The following RTN1 variants were observed in gnomAD, a reference collection of about 807,000 sequenced individuals.
RTN1 encodes the protein reticulon 1, also known as reticulon-1.
RTN1 carries 25 observed loss-of-function variants against 65.5 expected under a neutral mutation model. The observed-to-expected ratio is 0.38, with a 90% confidence interval of 0.28 to 0.53. RTN1 has a LOEUF of 0.53. Ranked by LOEUF, RTN1 falls within the 20% of genes least tolerant of loss-of-function variation. RTN1 has a pLI of 0.79. For missense variants in RTN1, 983 were observed against 1,025.4 expected, an observed-to-expected ratio of 0.96 and a Z score of 0.57; for synonymous variants, 471 against 447.6, an observed-to-expected ratio of 1.05 and a Z score of -0.66.
At chr14:59,754,132 A>G (rs538922343) in intron 1 of RTN1, among the ~76,000 whole-genome samples, 1 of 152,198 alleles carries the variant, frequency 6.6e-6, no homozygotes, top group Non-Finnish European at 1.5e-5. Flanking sequence ...ACAGGCCACT[A>G]TTTCTAGTCA....
intron 3 of RTN1, among the ~76,000 whole-genome samples, chr14:59,666,584 T>G (rs1883379577): frequency 6.6e-6 from 1 of 151,630 alleles, no homozygotes; most frequent in African/African-American, 2.4e-5. Context: ...AAAAAATAAC[T>G]AAGATCAGAG....
Position 59,745,778 on chromosome 14 carries a change from G to C in RTN1, c.945C>G (p.Val315=). The part of the protein sequence containing the change: ...DICLKPSPDT[V]PTVTVSEPED... ...CAGGCTCCGAGACAGTGACAGTGGG[G>C]ACTGTGTCAGGACTTGGCTTTAGAC... The change falls in exon 2 of 9, where the codon GTC becomes GTG. Residue 315 remains valine, a synonymous_variant. Coordinates refer to ENST00000267484, the MANE Select transcript of RTN1 (RefSeq NM_021136.3). The C allele has an allele frequency of 3.1e-6, 5 of 1,614,004 alleles. No individual in the cohort carries two copies. The highest frequency in any genetic ancestry group is 4.2e-6 in the Non-Finnish European group (5 of 1,179,956).
chr14:59,773,632 A>T (rs1458282718), intron 1 of RTN1, among the ~76,000 whole-genome samples: 1 of 152,178 alleles, frequency 6.6e-6, no homozygotes, highest in Non-Finnish European at 1.5e-5. Context: ...TCCTAAAGAC[A>T]GTTTCCCCAC....
chr14:59,840,416 C>A (rs1456067179), intron 1 of RTN1, among the ~76,000 whole-genome samples: 2 of 152,194 alleles, frequency 1.3e-5, no homozygotes, highest in Non-Finnish European at 2.9e-5. Context: ...AAGTGACTAG[C>A]TCCTTCTTTT....
At chr14:59,804,656 CG>C (rs1450250784) in intron 1 of RTN1, among the ~76,000 whole-genome samples, 3 of 151,972 alleles carry the variant, frequency 2.0e-5, no homozygotes, top group Non-Finnish European at 4.4e-5. Flanking sequence ...ATGGTTGGTA[CG>C]GGTGACAGTC....
intron 3 of RTN1, among the ~76,000 whole-genome samples, chr14:59,677,151 C>A (rs1355850426): frequency 6.6e-6 from 1 of 152,246 alleles, no homozygotes; most frequent in Non-Finnish European, 1.5e-5. Flanking sequence ...TGACCCTCTT[C>A]TTCCAGGACC....
At chr14:59,791,048 T>C (rs1326679050) in intron 1 of RTN1, among the ~76,000 whole-genome samples, 1 of 152,204 alleles carries the variant, frequency 6.6e-6, no homozygotes, top group Admixed American at 6.5e-5. Flanking sequence ...TCATTTTGTC[T>C]TTATTTTCCT....
At chr14:59,746,600 C>T (rs1020965338) in intron 1 of RTN1, 119 bp from the exon 2 acceptor site, 34 of 826,132 alleles carry the variant, frequency 4.1e-5, no homozygotes, top group Admixed American at 2.0e-4. Context: ...CTTAAGCCCT[C>T]GGAGTTCCCT....
chr14:59,847,567 T>C (rs545158757), intron 1 of RTN1, among the ~76,000 whole-genome samples: 1 of 152,370 alleles, frequency 6.6e-6, no homozygotes, highest in African/African-American at 2.4e-5. Flanking sequence ...ACCCCAATAT[T>C]TAAAATGTGT....
At chr14:59,809,317 C>G (rs549962947) in intron 1 of RTN1, among the ~76,000 whole-genome samples, 17 of 152,136 alleles carry the variant, frequency 1.1e-4, no homozygotes, top group African/African-American at 3.9e-4. Flanking sequence ...ACTGATCACA[C>G]TGGTGGCTTG....
chr14:59,753,939 A>T (rs7160597), intron 1 of RTN1, among the ~76,000 whole-genome samples: 3,302 of 152,290 alleles, frequency 0.022, 118 homozygotes, highest in African/African-American at 0.075. Context: ...GGTCTAATTC[A>T]TGCAGAGGCA....
chr14:59,701,743 T>G (rs1423690617), intron 3 of RTN1, among the ~76,000 whole-genome samples: 1 of 152,096 alleles, frequency 6.6e-6, no homozygotes, highest in Non-Finnish European at 1.5e-5. Context: ...GTGATGAAAT[T>G]TTTTGAAGCT....
Position 59,799,184 on chromosome 14 carries a change from G to A in RTN1, c.242-52703C>T, listed in dbSNP as rs1017701388. 5.9e-5 allele frequency among the ~76,000 whole-genome samples: 9 copies of A among 152,162 alleles called. 1 individual carries two copies. The highest frequency in any genetic ancestry group is 5.9e-4 in the Admixed American group (9 of 15,280). The stretch of plus-strand genomic sequence containing the variant: ...GAAAAGGATTTAAAATTCTTTAAAA[G>A]GACATTCAGAAAAAAGGCTAAGGAT... On this transcript the variant is annotated intron_variant, in intron 1 of 8. Transcript: ENST00000267484.
At chr14:59,637,710 C>CA (rs36015610) in intron 3 of RTN1, among the ~76,000 whole-genome samples, 46,537 of 111,894 alleles carry the variant, frequency 0.42, 8,303 homozygotes, top group Middle Eastern at 0.5. Context: ...GACTCCGTCT[C>CA]AAAAAAAAAA....
intron 3 of RTN1, among the ~76,000 whole-genome samples, chr14:59,700,405 C>G (rs1287498934): frequency 1.3e-5 from 2 of 151,952 alleles, no homozygotes; most frequent in Non-Finnish European, 2.9e-5. Flanking sequence ...TAAAAGTGAC[C>G]CAGAATAGTC....
intron 3 of RTN1, among the ~76,000 whole-genome samples, chr14:59,639,706 T>C (rs956603173): frequency 6.6e-6 from 1 of 152,218 alleles, no homozygotes; most frequent in East Asian, 1.9e-4. Flanking sequence ...AAAGTGTCCT[T>C]TGTTTCCCAG....
chr14:59,749,090 C>CTA (rs1566710718), intron 1 of RTN1, among the ~76,000 whole-genome samples: 5 of 118,578 alleles, frequency 4.2e-5, no homozygotes, highest in African/African-American at 1.1e-4. Context: ...GCCGGGGCAT[C>CTA]TATATATATA....
rs1016171813 is a variant in RTN1 at position 59,846,854 on chromosome 14, G to C, written c.241+23536C>G. On this transcript the variant is annotated intron_variant, in intron 1 of 8. Coordinates refer to ENST00000267484, the MANE Select transcript of RTN1 (RefSeq NM_021136.3). The surrounding 1 kb of genome is among the most constrained non-coding windows in gnomAD (Gnocchi z 4.8). ...GCACTCTCAGAGAAGCAGCCACTTT[G>C]ATGAGACTGATTTTGCTTGAGAACC... is the stretch of plus-strand genomic sequence containing the variant. Among the ~76,000 whole-genome samples the C allele has an allele frequency of 1.3e-5, 2 of 152,150 alleles. No individual in the cohort carries two copies. The highest frequency in any genetic ancestry group is 2.4e-5 in the African/African-American group (1 of 41,440).
intron 1 of RTN1, among the ~76,000 whole-genome samples, chr14:59,788,383 G>T (rs192063530): frequency 5.3e-5 from 8 of 152,246 alleles, no homozygotes; most frequent in Non-Finnish European, 8.8e-5. Context: ...CCAACACTGA[G>T]AATTAGCAAA....
Sources: gnomAD v4.1 joint callset for allele counts (sites outside exome capture counted in the v4.1 genomes callset) on GRCh38, gnomAD v4.1.1 for gene constraint, Gnocchi (gnomAD v3.1) non-coding constraint, MANE v1.5 for transcripts, NCBI Gene and HGNC (gene_info 2026-07-23, HGNC 2026-07-21) for gene names.